PRR5L: variants seen among roughly 807,000 people sequenced by gnomAD.
The protein encoded by PRR5L is proline rich 5 like, also known as proline-rich protein 5-like.
Under a neutral mutation model 36.4 loss-of-function variants are expected in PRR5L, and 21 were observed. The observed-to-expected ratio is 0.58, with a 90% confidence interval of 0.41 to 0.83. The LOEUF (loss-of-function observed/expected upper bound fraction) is 0.83. PRR5L is among the 40% of genes least tolerant of loss of function. PRR5L has a pLI of 0.00. For missense variants in PRR5L, 381 were observed against 473.3 expected (o/e 0.80, Z 1.81); for synonymous variants, 188 against 197.0 (o/e 0.95, Z 0.38).
chr11:36,322,154 C>T (rs1856619586), intron 1 of PRR5L, among the ~76,000 whole-genome samples: 1 of 152,118 alleles, frequency 6.6e-6, no homozygotes, highest in Non-Finnish European at 1.5e-5. Flanking sequence ...TTAATTGTTT[C>T]AAAAATGTTC....
At chr11:36,354,507 T>C (rs10501150) in intron 1 of PRR5L, among the ~76,000 whole-genome samples, 19,210 of 152,202 alleles carry the variant, frequency 0.13, 1,651 homozygotes, top group Admixed American at 0.24. Context: ...ATTTCCTATA[T>C]GCACAGAAGC....
chr11:36,332,360 TCTC>T (rs1856727555), intron 1 of PRR5L, among the ~76,000 whole-genome samples: 1 of 152,074 alleles, frequency 6.6e-6, no homozygotes. Flanking sequence ...TGTTGCCAGT[TCTC>T]CTCCGTGTGA....
At chr11:36,321,217 A>G (rs997478034) in intron 1 of PRR5L, 2 of 152,216 alleles carry the variant, frequency 1.3e-5, no homozygotes, top group Non-Finnish European at 2.9e-5. Context: ...ACAGCACTCA[A>G]TAATGTCCTC....
At chr11:36,313,087 T>C (rs1414768039) in intron 1 of PRR5L, among the ~76,000 whole-genome samples, 1 of 152,258 alleles carries the variant, frequency 6.6e-6, no homozygotes, top group Non-Finnish European at 1.5e-5. Context: ...ATTCCCTGTG[T>C]AGTTGCAAAG....
Position 36,446,274 on chromosome 11 carries a change from G to A in PRR5L, c.445-26G>A, listed in dbSNP as rs141172360. 3.5e-4 allele frequency: 564 copies of A among 1,610,724 alleles called. 9 individuals are homozygous for A. The East Asian group carries it at 0.012, about 34-fold the overall frequency. On this transcript the variant is annotated intron_variant, in intron 6 of 8. Transcript: ENST00000530639. ...CAGATTCAGTAAGCTCTCACCTCCC[G>A]GCCCTCTCTCCTCTGTCCCCTCTAG... is the stretch of plus-strand genomic sequence containing the variant.
intron 1 of PRR5L, among the ~76,000 whole-genome samples, chr11:36,375,042 C>A (rs971634811): frequency 6.6e-6 from 1 of 152,140 alleles, no homozygotes; most frequent in Non-Finnish European, 1.5e-5. Context: ...CTACACCAGC[C>A]TGGCCAACAT....
chr11:36,458,999 G>A (rs1159970706), intron 8 of PRR5L, among the ~76,000 whole-genome samples: 8 of 152,224 alleles, frequency 5.3e-5, no homozygotes, highest in African/African-American at 1.9e-4. Context: ...AAGCTGGGAA[G>A]AGGTGTGCTC....
intron 1 of PRR5L, among the ~76,000 whole-genome samples, chr11:36,304,948 G>T (rs1856414884): frequency 6.6e-6 from 1 of 152,160 alleles, no homozygotes; most frequent in African/African-American, 2.4e-5. Flanking sequence ...TGATGCAGCT[G>T]CTTTGCAAAC....
intron 1 of PRR5L, among the ~76,000 whole-genome samples, chr11:36,348,400 G>A (rs532192800): frequency 6.6e-6 from 1 of 152,196 alleles, no homozygotes; most frequent in East Asian, 1.9e-4. Context: ...GTGACACAGT[G>A]CCTAAAGCCC....
intron 1 of PRR5L, among the ~76,000 whole-genome samples, chr11:36,370,319 C>G (rs973971408): frequency 6.6e-6 from 1 of 152,126 alleles, no homozygotes; most frequent in Non-Finnish European, 1.5e-5. Flanking sequence ...GAAGATCATC[C>G]TTGATGACCC....
chr11:36,313,478 G>A lies in PRR5L; in HGVS notation c.-126+17040G>A, dbSNP rs538047436. 3.2e-4 allele frequency among the ~76,000 whole-genome samples: 49 copies of A among 152,294 alleles called. 1 individual carries two copies. Among genetic ancestry groups the A allele is most frequent in the African/African-American group, 1.0e-3 (42 of 41,566 alleles). The stretch of plus-strand genomic sequence containing the variant: ...AGATGGTTTTTGTCCTGGTCCCTGC[G>A]TTCTGACTGGAGACACTTTGCTTTG... On this transcript the variant is annotated intron_variant, in intron 1 of 8. Transcript: ENST00000530639.
At chr11:36,442,505 C>G (rs1046750132) in intron 6 of PRR5L, among the ~76,000 whole-genome samples, 2 of 152,122 alleles carry the variant, frequency 1.3e-5, no homozygotes, top group African/African-American at 4.8e-5. Context: ...CCATGCCAGT[C>G]TAATTTTTGT....
chr11:36,325,539 A>G (rs553179495), intron 1 of PRR5L, among the ~76,000 whole-genome samples: 5 of 152,170 alleles, frequency 3.3e-5, no homozygotes, highest in Non-Finnish European at 5.9e-5. Flanking sequence ...TATCCTGATC[A>G]TTGTCCCTGG....
At chr11:36,375,516 T>G (rs887290597) in intron 1 of PRR5L, among the ~76,000 whole-genome samples, 2 of 152,206 alleles carry the variant, frequency 1.3e-5, no homozygotes, top group African/African-American at 4.8e-5. Flanking sequence ...TAAAAGGACA[T>G]GCACATCTTT....
At chr11:36,312,341 A>G (rs1856512182) in intron 1 of PRR5L, among the ~76,000 whole-genome samples, 1 of 152,216 alleles carries the variant, frequency 6.6e-6, no homozygotes, top group Admixed American at 6.5e-5. Context: ...AAGATGGGAA[A>G]GTACAAATGG....
At chr11:36,455,729 C>T (rs541173472) in intron 8 of PRR5L, among the ~76,000 whole-genome samples, 2 of 152,264 alleles carry the variant, frequency 1.3e-5, no homozygotes, top group Admixed American at 6.5e-5. Flanking sequence ...GCAAGAGTGT[C>T]GGTCGCTGTC....
At position 36,435,491 on chromosome 11, in the gene PRR5L, C is replaced by T. The variant is rs116375353; in HGVS notation, c.353-1894C>T. On this transcript the variant is annotated intron_variant, in intron 5 of 8. Coordinates refer to ENST00000530639, the MANE Select transcript of PRR5L (RefSeq NM_001160167.2). ...CCTAGAAGTGATGTTCAAGCTGCAA[C>T]TAGAAAGATAAACAGAAGTAGGTTA... Among the ~76,000 whole-genome samples, 985 of 152,080 alleles carry T rather than the reference C, an allele frequency of 6.5e-3. 12 individuals carry two copies. Among genetic ancestry groups the T allele is most frequent in the African/African-American group, 0.022 (932 of 41,472 alleles).
intron 3 of PRR5L, among the ~76,000 whole-genome samples, 174 bp from the exon 4 acceptor site, chr11:36,419,081 C>A (rs6484852): frequency 0.99 from 150,592 of 152,180 alleles, 74,531 homozygotes; most frequent in South Asian, 1. Flanking sequence ...TCCTTCTAGG[C>A]TTCCCATCAC....
At chr11:36,374,124 T>G (rs112159602) in intron 1 of PRR5L, among the ~76,000 whole-genome samples, 1 of 100,588 alleles carries the variant, frequency 9.9e-6, no homozygotes, top group Non-Finnish European at 2.3e-5. Context: ...CTCTCTCTCT[T>G]TCTTTCTTTG....
Sources: allele counts gnomAD v4.1 joint callset (sites outside exome capture counted in the v4.1 genomes callset), GRCh38; gene constraint gnomAD v4.1.1; transcripts MANE v1.5; gene names NCBI Gene and HGNC (gene_info 2026-07-23, HGNC 2026-07-21).